The following ADAMTSL1 variants were observed in gnomAD, a reference collection of about 807,000 sequenced individuals.
ADAMTSL1 encodes the protein ADAMTS like 1.
In ADAMTSL1, 126 loss-of-function variants were observed where a neutral mutation model predicts 201.8. That is an observed-to-expected ratio of 0.62 (90% CI 0.54 to 0.72). The LOEUF is 0.72. ADAMTSL1 is among the 30% of genes least tolerant of loss of function. The probability of loss-of-function intolerance (pLI) is 0.00; values close to 1 mark genes in which losing one functional copy is unlikely to be tolerated. For synonymous variants in ADAMTSL1, 1,121 were observed against 903.4 expected (o/e 1.24, Z -4.32); for missense variants, 2,679 against 2,277.8 (o/e 1.18, Z -3.59).
intron 16 of ADAMTSL1, among the ~76,000 whole-genome samples, chr9:18,758,837 T>C (rs771463815): frequency 2.6e-5 from 4 of 152,202 alleles, no homozygotes; most frequent in African/African-American, 4.8e-5. Context: ...TGCTATATTG[T>C]GAGTGAAGCA....
chr9:18,807,303 C>G (rs1823197551), intron 20 of ADAMTSL1, among the ~76,000 whole-genome samples: 1 of 152,168 alleles, frequency 6.6e-6, no homozygotes, highest in African/African-American at 2.4e-5. Flanking sequence ...TAACACTATT[C>G]TGTGAGCTGA....
At chr9:18,280,286 G>A (rs1832735078) in intron 2 of ADAMTSL1, among the ~76,000 whole-genome samples, 1 of 151,994 alleles carries the variant, frequency 6.6e-6, no homozygotes, top group African/African-American at 2.4e-5. Context: ...CTTGGCCTTG[G>A]TCAGGCCTGA....
chr9:18,775,575 A>C (rs1820927113), intron 17 of ADAMTSL1, among the ~76,000 whole-genome samples, 168 bp from the exon 18 acceptor site: 1 of 152,194 alleles, frequency 6.6e-6, no homozygotes, highest in East Asian at 1.9e-4. Context: ...AAATGTCTAC[A>C]AGATGGGCAG....
intron 2 of ADAMTSL1, among the ~76,000 whole-genome samples, chr9:18,509,296 G>T (rs2131959968): frequency 7.2e-6 from 1 of 138,584 alleles, no homozygotes; most frequent in East Asian, 2.5e-4. Flanking sequence ...GATTTTTAAA[G>T]TTTTCAAGTT....
intron 2 of ADAMTSL1, among the ~76,000 whole-genome samples, chr9:18,516,977 C>T (rs1274094652): frequency 6.6e-6 from 1 of 152,122 alleles, no homozygotes. Context: ...TTGTCTCTAG[C>T]CAAAATAATT....
Position 18,639,299 on chromosome 9 carries a change from T to G in ADAMTSL1, c.722T>G (p.Leu241Arg). The G allele has an allele frequency of 6.2e-7, 1 of 1,613,070 alleles. No homozygotes were observed. Among genetic ancestry groups the G allele is most frequent in the Non-Finnish European group, 8.5e-7 (1 of 1,179,328 alleles). ...CAGGGGACTAAAGGTGAAAACAGTC[T>G]CAGCTCCACAGGAACTTTCCTTGTG... ...TLQGTKGENS[L>R]SSTGTFLVDN... Residue 241 changes from leucine to arginine, a missense_variant, in exon 7 of 29, where the codon CTC becomes CGC. Leu to Arg is a moderately radical substitution (Grantham distance 102). Transcript: ENST00000380548.
intron 20 of ADAMTSL1, among the ~76,000 whole-genome samples, chr9:18,813,737 T>C (rs759538778): frequency 1.3e-5 from 2 of 152,238 alleles, no homozygotes; most frequent in Non-Finnish European, 2.9e-5. Flanking sequence ...TTTCTATATA[T>C]GAGATCATGC....
intron 2 of ADAMTSL1, among the ~76,000 whole-genome samples, chr9:18,363,866 G>T (rs1586976678): frequency 6.6e-6 from 1 of 152,140 alleles, no homozygotes; most frequent in African/African-American, 2.4e-5. Context: ...TAAAGAGACT[G>T]CAGAGGTGCC....
intron 1 of ADAMTSL1, among the ~76,000 whole-genome samples, chr9:17,929,719 CCTG>C (rs1404397968): frequency 1.3e-5 from 2 of 152,166 alleles, no homozygotes; most frequent in Non-Finnish European, 2.9e-5. Context: ...ATCTGTCTGG[CCTG>C]CAGCTTAAGT....
intron 2 of ADAMTSL1, among the ~76,000 whole-genome samples, chr9:18,306,859 C>A (rs1241452158): frequency 6.6e-6 from 1 of 152,090 alleles, no homozygotes; most frequent in African/African-American, 2.4e-5. Flanking sequence ...CAAAGATACT[C>A]CTCAAGAAGA....
chr9:18,672,829 G>A (rs192674881), intron 9 of ADAMTSL1, among the ~76,000 whole-genome samples: 2 of 152,230 alleles, frequency 1.3e-5, no homozygotes, highest in Admixed American at 1.3e-4. Context: ...GGATGAGGTG[G>A]GATGCCTTTT....
In ADAMTSL1 at chr9:18,636,026, C is replaced by T; in HGVS notation, c.676+9C>T. The T allele has an allele frequency of 6.4e-7, 1 of 1,570,030 alleles. No individual in the cohort carries two copies. The highest frequency in any genetic ancestry group is 1.2e-5 in the South Asian group (1 of 83,036). ...AGGTCCTGATCACTTATGTAAGTAACTCCATTGTTTTCCTTTGGGAATTGG... is the reference window on the plus strand; with the variant it reads ...AGGTCCTGATCACTTATGTAAGTAATTCCATTGTTTTCCTTTGGGAATTGG... On this transcript the variant is annotated intron_variant, in intron 6 of 28. Transcript: ENST00000380548.
chr9:17,976,149 A>G, intron 1 of ADAMTSL1, among the ~76,000 whole-genome samples: 1 of 152,110 alleles, frequency 6.6e-6, no homozygotes, highest in South Asian at 2.1e-4. Flanking sequence ...ATTTGAAATC[A>G]GGAAGTGTGA....
At chr9:18,466,490 C>A (rs1821010734) in intron 2 of ADAMTSL1, among the ~76,000 whole-genome samples, 1 of 152,084 alleles carries the variant, frequency 6.6e-6, no homozygotes, top group Non-Finnish European at 1.5e-5. Flanking sequence ...CGTGTCCTTT[C>A]TGGAAATTTT....
At chr9:18,791,148 A>T (rs1822013383) in intron 19 of ADAMTSL1, among the ~76,000 whole-genome samples, 1 of 152,100 alleles carries the variant, frequency 6.6e-6, no homozygotes, top group Non-Finnish European at 1.5e-5. Context: ...TTTTCCAGGA[A>T]TCTCTCTCTC....
At chr9:18,315,127 T>C (rs1365975945) in intron 2 of ADAMTSL1, among the ~76,000 whole-genome samples, 2 of 152,122 alleles carry the variant, frequency 1.3e-5, no homozygotes, top group African/African-American at 4.8e-5. Flanking sequence ...TACAGAGAGC[T>C]GATTGGTCCT....
At chr9:18,645,612 G>A (rs1391977726) in intron 7 of ADAMTSL1, among the ~76,000 whole-genome samples, 2 of 151,866 alleles carry the variant, frequency 1.3e-5, no homozygotes, top group Non-Finnish European at 2.9e-5. Flanking sequence ...CGTGTGGCTA[G>A]CCAGTTTTCC....
At chr9:18,017,442 C>T (rs560404303) in intron 1 of ADAMTSL1, among the ~76,000 whole-genome samples, 3 of 151,874 alleles carry the variant, frequency 2.0e-5, no homozygotes, top group African/African-American at 4.8e-5. Context: ...ATTTGAGAAG[C>T]CTGTTGGGAA....
At chr9:18,274,709 A>G (rs1832517532) in intron 2 of ADAMTSL1, among the ~76,000 whole-genome samples, 1 of 152,200 alleles carries the variant, frequency 6.6e-6, no homozygotes, top group Non-Finnish European at 1.5e-5. Flanking sequence ...CATTAAGACT[A>G]AAATAAAAAA....
Sources: gnomAD v4.1 joint callset for allele counts (sites outside exome capture counted in the v4.1 genomes callset) on GRCh38, gnomAD v4.1.1 for gene constraint, MANE v1.5 for transcripts, NCBI Gene and HGNC (gene_info 2026-07-23, HGNC 2026-07-21) for gene names.